ORC2: variants seen among roughly 807,000 people sequenced by gnomAD.
ORC2 encodes origin recognition complex protein 2 homolog.
Under a neutral mutation model 77.7 loss-of-function variants are expected in ORC2, and 37 were observed. That is an observed-to-expected ratio of 0.48 (90% CI 0.37 to 0.63). The LOEUF (loss-of-function observed/expected upper bound fraction) is 0.63. Among genes scored for constraint, ORC2 ranks in the 20% least tolerant of loss-of-function variants. The pLI is 0.00. For missense variants in ORC2, 557 were observed against 661.9 expected (o/e 0.84, Z 1.74); for synonymous variants, 201 against 229.5 (o/e 0.88, Z 1.12).
intron 4 of ORC2, among the ~76,000 whole-genome samples, chr2:200,954,431 T>C (rs2041426329): frequency 6.6e-6 from 1 of 152,222 alleles, no homozygotes; most frequent in South Asian, 2.1e-4. Flanking sequence ...ACTCTTATTG[T>C]AGAAGAATGT....
intron 7 of ORC2, among the ~76,000 whole-genome samples, chr2:200,938,852 C>T (rs2041097017): frequency 1.3e-5 from 2 of 152,008 alleles, no homozygotes; most frequent in South Asian, 4.1e-4. Flanking sequence ...CCAGCCTGAC[C>T]AACATGGAGA....
At chr2:200,943,377 CT>C (rs776917932) in intron 5 of ORC2, among the ~76,000 whole-genome samples, 3 of 150,408 alleles carry the variant, frequency 2.0e-5, no homozygotes, top group East Asian at 3.9e-4. Flanking sequence ...CTTTCTCTCG[CT>C]TTTTTTTTCT....
intron 15 of ORC2, among the ~76,000 whole-genome samples, chr2:200,916,940 C>T (rs1049410277): frequency 4.0e-5 from 6 of 150,790 alleles, no homozygotes; most frequent in South Asian, 4.2e-4. Flanking sequence ...GTGATCTGCC[C>T]GCCTTGGCCT....
At chr2:200,919,621 A>G (rs2040722175) in intron 15 of ORC2, among the ~76,000 whole-genome samples, 1 of 152,226 alleles carries the variant, frequency 6.6e-6, no homozygotes, top group African/African-American at 2.4e-5. Flanking sequence ...GGCCTCCCAA[A>G]GTGCTGGTAT....
intron 2 of ORC2, among the ~76,000 whole-genome samples, chr2:200,958,485 G>C (rs1445270217): frequency 6.6e-6 from 1 of 152,110 alleles, no homozygotes; most frequent in Non-Finnish European, 1.5e-5. Context: ...AAAGGGGGTG[G>C]TTAATACATG....
intron 1 of ORC2, among the ~76,000 whole-genome samples, chr2:200,962,486 C>T (rs1026802431): frequency 6.6e-6 from 1 of 152,240 alleles, no homozygotes; most frequent in East Asian, 1.9e-4. Context: ...AATCTCCACT[C>T]CATACTTTAT....
At chr2:200,956,764 C>G (rs1425432898) in intron 4 of ORC2, among the ~76,000 whole-genome samples, 1 of 152,024 alleles carries the variant, frequency 6.6e-6, no homozygotes, top group Non-Finnish European at 1.5e-5. Flanking sequence ...TGAGCAAGAC[C>G]CTGTCTCTAA....
At chr2:200,912,890 C>G (rs1171849401) in intron 17 of ORC2, among the ~76,000 whole-genome samples, 1 of 152,182 alleles carries the variant, frequency 6.6e-6, no homozygotes, top group Non-Finnish European at 1.5e-5. Context: ...TGTCCATCTC[C>G]CCCATTAGAC....
In ORC2 at chr2:200,926,851, G is replaced by A. The variant is rs1229815651; in HGVS notation, c.967C>T (p.Leu323=). 1 of 1,613,546 alleles carries A rather than the reference G, an allele frequency of 6.2e-7. No homozygotes were observed. The stretch of plus-strand genomic sequence containing the variant: ...AGCATAGTGGTTCGAAACCTTTCTA[G>A]TAAATCTCTCTTAGAACCCAAACCA... ...LYGLGSKRDL[L]ERFRTTMLQD... Residue 323 remains leucine (L), a synonymous_variant, in exon 12 of 18, where the codon CTA becomes TTA. Coordinates refer to ENST00000234296, the MANE Select transcript of ORC2 (RefSeq NM_006190.5).
chr2:200,941,243 C>T lies in ORC2; in HGVS notation c.453+5G>A. On this transcript the variant is annotated splice_donor_5th_base_variant and intron_variant, in intron 7 of 17. Transcript: ENST00000234296. ...AAGGCTTTTGCTTTTTAGTCAATTG[C>T]TTACCTTCGGTTGAACCTTGTCTGA... 3.1e-6 allele frequency: 5 copies of T among 1,608,730 alleles called. No individual in the cohort carries two copies. Among genetic ancestry groups the T allele is most frequent in the Non-Finnish European group, 4.3e-6 (5 of 1,176,196 alleles).
Sources: gnomAD v4.1 joint callset for allele counts (sites outside exome capture counted in the v4.1 genomes callset) on GRCh38, gnomAD v4.1.1 for gene constraint, MANE v1.5 for transcripts, NCBI Gene and HGNC (gene_info 2026-07-23, HGNC 2026-07-21) for gene names.